The following RBM47 variants were observed in gnomAD, a reference collection of about 807,000 sequenced individuals.
RBM47 encodes RNA binding motif protein 47.
In RBM47, 21 loss-of-function variants were observed where a neutral mutation model predicts 47.1. That is an observed-to-expected ratio of 0.45 (90% CI 0.32 to 0.64). RBM47 has a LOEUF of 0.64. Ranked by LOEUF, RBM47 falls within the 30% of genes least tolerant of loss-of-function variation. The pLI, the probability that RBM47 is intolerant of heterozygous loss-of-function variation, is 0.05. For synonymous variants in RBM47, 375 were observed against 361.7 expected (o/e 1.04, Z -0.42); for missense variants, 708 against 870.9 (o/e 0.81, Z 2.35).
chr4:40,486,466 T>C (rs1442204084), intron 2 of RBM47, among the ~76,000 whole-genome samples: 1 of 152,178 alleles, frequency 6.6e-6, no homozygotes, highest in South Asian at 2.1e-4. Flanking sequence ...TTAAAATAGA[T>C]AGAAATCGAA....
intron 1 of RBM47, among the ~76,000 whole-genome samples, chr4:40,556,032 ATCT>A (rs1437291037): frequency 2.8e-4 from 41 of 147,280 alleles, no homozygotes; most frequent in Middle Eastern, 3.5e-3. Context: ...ACCTGAAAAG[ATCT>A]TCTTTTTTTT....
At chr4:40,507,209 C>T (rs912944567) in intron 2 of RBM47, among the ~76,000 whole-genome samples, 3 of 152,026 alleles carry the variant, frequency 2.0e-5, no homozygotes, top group Non-Finnish European at 4.4e-5. Context: ...TGCCAGTCTC[C>T]GCCTTCCAAA....
intron 2 of RBM47, among the ~76,000 whole-genome samples, chr4:40,505,214 C>G (rs898121678): frequency 1.4e-4 from 22 of 151,914 alleles, no homozygotes; most frequent in African/African-American, 5.3e-4. Flanking sequence ...ACAGGCTGGG[C>G]ACTGTGGCTC....
At chr4:40,426,173 C>T in intron 6 of RBM47, 30 bp from the exon 7 acceptor site, 1 of 1,608,270 alleles carries the variant, frequency 6.2e-7, no homozygotes, top group South Asian at 1.1e-5. Flanking sequence ...AGGAGCCTTC[C>T]TGAACACGTG....
intron 1 of RBM47, among the ~76,000 whole-genome samples, chr4:40,561,526 T>C (rs1730621078): frequency 6.6e-6 from 1 of 150,490 alleles, no homozygotes; most frequent in Non-Finnish European, 1.5e-5. Flanking sequence ...GCCCAACTTC[T>C]TTTTTGCTTC....
chr4:40,556,846 C>T (rs957402393), intron 1 of RBM47, among the ~76,000 whole-genome samples: 9 of 151,848 alleles, frequency 5.9e-5, no homozygotes, highest in East Asian at 3.9e-4. Context: ...GCTGAGTTTG[C>T]GCCACGGCAC....
intron 2 of RBM47, among the ~76,000 whole-genome samples, chr4:40,497,814 A>T (rs1397675287): frequency 6.7e-6 from 1 of 148,198 alleles, no homozygotes; most frequent in Non-Finnish European, 1.5e-5. Flanking sequence ...TCTCTACAGC[A>T]AATTAAAAAA....
chr4:40,545,973 GATT>G (rs1479439908), intron 1 of RBM47, among the ~76,000 whole-genome samples: 1 of 152,118 alleles, frequency 6.6e-6, no homozygotes, highest in Non-Finnish European at 1.5e-5. Flanking sequence ...GGGCGGCTAT[GATT>G]ATTATGTTCA....
At chr4:40,478,538 CT>C (rs1271686566) in intron 2 of RBM47, among the ~76,000 whole-genome samples, 1 of 152,148 alleles carries the variant, frequency 6.6e-6, no homozygotes, top group Non-Finnish European at 1.5e-5. Flanking sequence ...AGAAACAGGA[CT>C]CAGGTCCAGG....
At chr4:40,627,388 C>G (rs938988419) in intron 1 of RBM47, among the ~76,000 whole-genome samples, 2 of 152,104 alleles carry the variant, frequency 1.3e-5, no homozygotes, top group Admixed American at 6.6e-5. Context: ...TTCACTTGAG[C>G]CTGGGTCCAA....
chr4:40,463,222 C>A lies in RBM47; in HGVS notation c.-32+3355G>T, dbSNP rs1361360659. On this transcript the variant is annotated intron_variant, in intron 3 of 6. Transcript: ENST00000295971. Reference sequence around the variant, plus strand: ...ATCTGCATTACACATCTGCAAAGACCCTTGAAAAAATAAAGAAGACACACA... The same window carrying A: ...ATCTGCATTACACATCTGCAAAGACACTTGAAAAAATAAAGAAGACACACA... 5.3e-5 allele frequency among the ~76,000 whole-genome samples: 8 copies of A among 152,078 alleles called. No homozygotes were observed. The East Asian group carries it at 1.5e-3, about 29-fold the overall frequency.
intron 2 of RBM47, among the ~76,000 whole-genome samples, chr4:40,486,866 T>A (rs539113470): frequency 1.1e-4 from 17 of 152,372 alleles, no homozygotes; most frequent in Admixed American, 3.9e-4. Flanking sequence ...GTAATTTATA[T>A]GTTGCTTGAT....
chr4:40,437,746 A>AC (rs1298842877), intron 4 of RBM47, 25 bp downstream of exon 4: 5 of 1,575,902 alleles, frequency 3.2e-6, no homozygotes, highest in Non-Finnish European at 4.3e-6. Flanking sequence ...TGGGGGCCCC[A>AC]CCCAGGAGAA....
intron 1 of RBM47, among the ~76,000 whole-genome samples, chr4:40,605,384 C>T (rs1735671780): frequency 6.6e-6 from 1 of 152,144 alleles, no homozygotes; most frequent in African/African-American, 2.4e-5. Flanking sequence ...ACAGACTGAA[C>T]CCCAGTTTTG....
At chr4:40,503,215 C>A (rs962371579) in intron 2 of RBM47, among the ~76,000 whole-genome samples, 3 of 152,120 alleles carry the variant, frequency 2.0e-5, no homozygotes, top group African/African-American at 7.2e-5. Context: ...GATGAGTCTG[C>A]ATTAGGCAAA....
Position 40,485,385 on chromosome 4 carries a change from T to C in RBM47, c.-154-18686A>G, listed in dbSNP as rs1720936241. Reference sequence around the variant, plus strand: ...GAAAGCCAAGTCGACAGCTGCTTTATCTAAGCAGTAAGAATATGCAGATGG... The same window carrying C: ...GAAAGCCAAGTCGACAGCTGCTTTACCTAAGCAGTAAGAATATGCAGATGG... On this transcript the variant is annotated intron_variant, in intron 2 of 6. Transcript: ENST00000295971. 5.3e-5 allele frequency among the ~76,000 whole-genome samples: 8 copies of C among 152,366 alleles called. No homozygotes were observed. In the South Asian group the frequency reaches 1.7e-3, roughly 32 times the overall value.
chr4:40,454,292 T>C (rs542466689), intron 3 of RBM47, among the ~76,000 whole-genome samples: 8 of 152,306 alleles, frequency 5.3e-5, no homozygotes, highest in African/African-American at 1.7e-4. Flanking sequence ...GTGTGACACA[T>C]TGGTAAACTA....
intron 2 of RBM47, among the ~76,000 whole-genome samples, chr4:40,500,698 G>A (rs1018675798): frequency 6.6e-6 from 1 of 152,162 alleles, no homozygotes; most frequent in Non-Finnish European, 1.5e-5. Flanking sequence ...GTATAGCCTT[G>A]CAGGGATAAC....
intron 1 of RBM47, among the ~76,000 whole-genome samples, chr4:40,601,711 G>T (rs143480728): frequency 7.9e-5 from 12 of 152,278 alleles, no homozygotes; most frequent in African/African-American, 2.9e-4. Context: ...TATACTGTTT[G>T]CCACTCTTCC....
Sources: gnomAD v4.1 joint callset for allele counts (sites outside exome capture counted in the v4.1 genomes callset) on GRCh38, gnomAD v4.1.1 for gene constraint, MANE v1.5 for transcripts, NCBI Gene and HGNC (gene_info 2026-07-23, HGNC 2026-07-21) for gene names.